Variants in RNF144B observed in about 807,000 individuals in gnomAD.
The protein encoded by RNF144B is ring finger protein 144B, also known as E3 ubiquitin-protein ligase RNF144B.
RNF144B carries 25 observed loss-of-function variants against 40.2 expected under a neutral mutation model. The ratio of observed to expected loss-of-function variants is 0.62; its 90% confidence interval spans 0.45 to 0.87. The LOEUF (loss-of-function observed/expected upper bound fraction) is 0.87, where lower values mean the gene tolerates loss of function less well. Ranked by LOEUF, RNF144B falls within the 40% of genes least tolerant of loss-of-function variation. RNF144B has a pLI of 0.00. For missense variants in RNF144B, 365 were observed against 373.7 expected (o/e 0.98, Z 0.19); for synonymous variants, 145 against 136.3 (o/e 1.06, Z -0.44).
intron 6 of RNF144B, among the ~76,000 whole-genome samples, chr6:18,462,685 T>C (rs757216979): frequency 6.6e-5 from 10 of 151,436 alleles, no homozygotes; most frequent in Non-Finnish European, 1.5e-4. Context: ...TCAGTGTAGA[T>C]CTTTGTGATG....
At position 18,450,879 on chromosome 6, in the gene RNF144B, T is replaced by C. The variant is rs2113527946; in HGVS notation, c.332-6276T>C. Among the ~76,000 whole-genome samples, 2 of 152,358 alleles carry C rather than the reference T, an allele frequency of 1.3e-5. No homozygotes were observed. The highest frequency in any genetic ancestry group is 1.3e-4 in the Admixed American group (2 of 15,306). On this transcript the variant is annotated intron_variant, in intron 4 of 7. Transcript: ENST00000259939. The surrounding 1 kb of genome is among the most constrained non-coding windows in gnomAD (Gnocchi z 4.7). ...TAAAAAAGATCTGTTGATATGGTGC[T>C]TTATCTCTTTGTAATCTAATGTCAT...
At position 18,387,873 on chromosome 6, in the gene RNF144B, A is replaced by G. The variant is rs914519134; in HGVS notation, c.-37+243A>G. ...TCTAATAAAACAGTTTCTATAATAG[A>G]ATGTATTGTAGAATCCGAGATTAGA... On this transcript the variant is annotated intron_variant, in intron 1 of 7. Transcript: ENST00000259939. Among the ~76,000 whole-genome samples, 9 of 152,182 alleles carry G rather than the reference A, an allele frequency of 5.9e-5. No homozygotes were observed. In the East Asian group the frequency reaches 1.7e-3, roughly 29 times the overall value.
Position 18,460,165 on chromosome 6 carries a change from C to T in RNF144B, c.681+414C>T, listed in dbSNP as rs756344716. Among the ~76,000 whole-genome samples, 11 of 152,278 alleles carry T rather than the reference C, an allele frequency of 7.2e-5. No homozygotes were observed. Among genetic ancestry groups the T allele is most frequent in the Admixed American group, 2.6e-4 (4 of 15,286 alleles). ...GCTGGATTAAAATCAAGGTGTCAGC[C>T]GGGCTGCATTTCTTTCTGGAGGCTT... On this transcript the variant is annotated intron_variant, in intron 6 of 7. Coordinates refer to ENST00000259939, the MANE Select transcript of RNF144B (RefSeq NM_182757.4). The surrounding 1 kb of genome is among the most constrained non-coding windows in gnomAD (Gnocchi z 4.4).
At chr6:18,439,931 G>A (rs1364533122) in intron 4 of RNF144B, among the ~76,000 whole-genome samples, 187 bp downstream of exon 4, 1 of 152,110 alleles carries the variant, frequency 6.6e-6, no homozygotes, top group Non-Finnish European at 1.5e-5. Flanking sequence ...AAAAAATGCA[G>A]ACTAGCAGGA....
intron 2 of RNF144B, among the ~76,000 whole-genome samples, chr6:18,421,103 A>C (rs1238367632): frequency 2.6e-5 from 4 of 151,852 alleles, no homozygotes; most frequent in African/African-American, 9.7e-5. Context: ...AAAAATACAA[A>C]ATAGCCTGGC....
At chr6:18,388,512 C>A (rs1794514727) in intron 1 of RNF144B, among the ~76,000 whole-genome samples, 1 of 152,174 alleles carries the variant, frequency 6.6e-6, no homozygotes, top group African/African-American at 2.4e-5. Flanking sequence ...CCAGTCCTAA[C>A]TGAGTTGCTG....
rs1389988823 is a variant in RNF144B, at chr6:18,434,563, G to T, written c.271-5121G>T. Among the ~76,000 whole-genome samples, 1 of 152,148 alleles carries T rather than the reference G, an allele frequency of 6.6e-6. No individual in the cohort carries two copies. The highest frequency in any genetic ancestry group is 1.5e-5 in the Non-Finnish European group (1 of 68,032). The stretch of plus-strand genomic sequence containing the variant: ...GGTCTGGCTTCCCTGGATATGCTCT[G>T]CTAGGGATGAAATGGAAAAGCAAAG... On this transcript the variant is annotated intron_variant, in intron 3 of 7. Coordinates refer to ENST00000259939, the MANE Select transcript of RNF144B (RefSeq NM_182757.4). This position sits in a 1 kb window ranked among gnomAD's most constrained non-coding sequence, Gnocchi z 4.1.
chr6:18,391,478 G>A (rs1022586954), intron 1 of RNF144B, among the ~76,000 whole-genome samples: 1 of 152,142 alleles, frequency 6.6e-6, no homozygotes, highest in Non-Finnish European at 1.5e-5. Flanking sequence ...TCTTTGATAA[G>A]TTTATATTGT....
intron 6 of RNF144B, among the ~76,000 whole-genome samples, chr6:18,462,322 T>A (rs1759472844): frequency 6.6e-6 from 1 of 152,198 alleles, no homozygotes; most frequent in African/African-American, 2.4e-5. Context: ...TAGTACTTGT[T>A]TTTAGCATAC....
intron 2 of RNF144B, among the ~76,000 whole-genome samples, chr6:18,413,341 A>G (rs758232108): frequency 6.6e-6 from 1 of 152,246 alleles, no homozygotes; most frequent in African/African-American, 2.4e-5. Context: ...TATACGTAAA[A>G]GTTTAGTCAG....
chr6:18,445,245 A>G (rs1759055700), intron 4 of RNF144B, among the ~76,000 whole-genome samples: 2 of 152,224 alleles, frequency 1.3e-5, no homozygotes, highest in South Asian at 4.1e-4. Flanking sequence ...CACTCCTGCT[A>G]GGACAGAGAA....
intron 2 of RNF144B, 28 bp downstream of exon 2, chr6:18,399,727 G>T (rs752846574): frequency 2.6e-6 from 4 of 1,560,066 alleles, no homozygotes; most frequent in Middle Eastern, 1.7e-4. Flanking sequence ...CTTTCACTAT[G>T]AGAAAATACA....
At chr6:18,462,533 G>T (rs908133776) in intron 6 of RNF144B, among the ~76,000 whole-genome samples, 8 of 152,012 alleles carry the variant, frequency 5.3e-5, no homozygotes, top group African/African-American at 1.9e-4. Context: ...CTCTTCTATG[G>T]TTTCTTCTAC....
At chr6:18,388,027 T>C (rs889313860) in intron 1 of RNF144B, among the ~76,000 whole-genome samples, 6 of 152,192 alleles carry the variant, frequency 3.9e-5, no homozygotes, top group African/African-American at 1.4e-4. Flanking sequence ...AGAGCCATTC[T>C]CAAATTTAAG....
chr6:18,433,915 T>C (rs957984289), intron 3 of RNF144B, among the ~76,000 whole-genome samples: 1 of 152,204 alleles, frequency 6.6e-6, no homozygotes, highest in African/African-American at 2.4e-5. Flanking sequence ...TAGACATTGA[T>C]CCGCACAGTG....
At chr6:18,391,511 C>G (rs1293841148) in intron 1 of RNF144B, among the ~76,000 whole-genome samples, 3 of 152,164 alleles carry the variant, frequency 2.0e-5, no homozygotes, top group African/African-American at 7.2e-5. Context: ...GAATGGATTT[C>G]TACCTCTTGG....
chr6:18,446,207 A>C lies in RNF144B; in HGVS notation c.331+6463A>C, dbSNP rs493695. 0.99 allele frequency among the ~76,000 whole-genome samples: 150,325 copies of C among 152,348 alleles called. 74,198 individuals carry two copies. The highest frequency in any genetic ancestry group is 1 in the East Asian group (5,182 of 5,182). ...ACCTGGCCTCTAGGCCATGTGTATA[A>C]TCTGTTACATGAGGTATATAAGACA... On this transcript the variant is annotated intron_variant, in intron 4 of 7. Transcript: ENST00000259939. This position sits in a 1 kb window ranked among gnomAD's most constrained non-coding sequence, Gnocchi z 4.7.
intron 2 of RNF144B, among the ~76,000 whole-genome samples, chr6:18,423,007 C>T: frequency 6.6e-6 from 1 of 151,902 alleles, no homozygotes; most frequent in East Asian, 1.9e-4. Flanking sequence ...CTCAACAGTA[C>T]CTATTCTCTT....
Position 18,434,211 on chromosome 6 carries a change from T to G in RNF144B, c.271-5473T>G, listed in dbSNP as rs1442269333. 2.0e-5 allele frequency among the ~76,000 whole-genome samples: 3 copies of G among 152,176 alleles called. No individual in the cohort carries two copies. The highest frequency in any genetic ancestry group is 6.5e-5 in the Admixed American group (1 of 15,278). ...AAGCCTATCCCCAATTTCTGTTTCA[T>G]TTTTTTAATTGAGTCTTTTTTTCTT... On this transcript the variant is annotated intron_variant, in intron 3 of 7. Coordinates refer to ENST00000259939, the MANE Select transcript of RNF144B (RefSeq NM_182757.4). The surrounding 1 kb of genome is among the most constrained non-coding windows in gnomAD (Gnocchi z 4.1).
Sources: gnomAD v4.1 joint callset for allele counts (sites outside exome capture counted in the v4.1 genomes callset) on GRCh38, gnomAD v4.1.1 for gene constraint, Gnocchi (gnomAD v3.1) non-coding constraint, MANE v1.5 for transcripts, NCBI Gene and HGNC (gene_info 2026-07-23, HGNC 2026-07-21) for gene names.